The following GRM5 variants were observed in gnomAD, a reference collection of about 807,000 sequenced individuals.
GRM5 encodes the protein metabotropic glutamate receptor 5.
A neutral mutation model predicts 83.1 loss-of-function variants in GRM5; 19 were observed. The ratio of observed to expected loss-of-function variants is 0.23; its 90% CI spans 0.16 to 0.34. GRM5 has a LOEUF of 0.34. Ranked by LOEUF, GRM5 falls within the 10% of genes least tolerant of loss-of-function variation. The pLI is 1.00. For missense variants in GRM5, 1,160 were observed against 1,588.3 expected (o/e 0.73, Z 4.58); for synonymous variants, 675 against 633.6 (o/e 1.07, Z -0.98).
chr11:88,665,924 C>T (rs1328049140), intron 3 of GRM5, among the ~76,000 whole-genome samples: 1 of 151,588 alleles, frequency 6.6e-6, no homozygotes, highest in Non-Finnish European at 1.5e-5. Context: ...AAGTTGAACT[C>T]ATTGATAAGA....
chr11:88,552,331 A>G (rs1455981962), intron 8 of GRM5, among the ~76,000 whole-genome samples: 1 of 152,128 alleles, frequency 6.6e-6, no homozygotes, highest in African/African-American at 2.4e-5. Flanking sequence ...CTGGACTGTT[A>G]TATCATTTTT....
intron 3 of GRM5, among the ~76,000 whole-genome samples, chr11:88,714,279 T>C (rs1308704283): frequency 6.6e-6 from 1 of 151,606 alleles, no homozygotes; most frequent in Non-Finnish European, 1.5e-5. Flanking sequence ...ATTAAGGCAG[T>C]GGTAGGTGAA....
chr11:88,756,325 T>G (rs10765743), intron 3 of GRM5, among the ~76,000 whole-genome samples: 2 of 151,984 alleles, frequency 1.3e-5, no homozygotes, highest in African/African-American at 4.8e-5. Context: ...CATCCAAAGA[T>G]AGAAAATCAG....
chr11:88,604,571 C>A (rs1004384101), intron 5 of GRM5, 147 bp downstream of exon 5: 4 of 691,074 alleles, frequency 5.8e-6, no homozygotes. Context: ...CTTCTTCTCT[C>A]TATCTTTGCT....
chr11:89,061,659 C>G (rs1236676078), intron 1 of GRM5, among the ~76,000 whole-genome samples: 1 of 152,140 alleles, frequency 6.6e-6, no homozygotes, highest in African/African-American at 2.4e-5. Context: ...CAATTTCCCC[C>G]TGGGTGTTTG....
rs76390195 is a variant in GRM5, at chr11:88,517,561, G to A, written c.2726+7748C>T. Among the ~76,000 whole-genome samples the A allele has an allele frequency of 6.7e-4, 102 of 152,192 alleles. No homozygotes were observed. The East Asian group carries it at 0.014, about 21-fold the overall frequency. On this transcript the variant is annotated intron_variant, in intron 9 of 9. Coordinates refer to ENST00000305447, the MANE Select transcript of GRM5 (RefSeq NM_001143831.3). ...CACTCAGCTTTGCTGAGTAACTTTC[G>A]TCTACATTTCAATATTACCATTATA...
At chr11:88,993,814 A>T (rs1940078624) in intron 2 of GRM5, among the ~76,000 whole-genome samples, 1 of 152,042 alleles carries the variant, frequency 6.6e-6, no homozygotes, top group African/African-American at 2.4e-5. Flanking sequence ...CCTGAGATGC[A>T]GTGATGAAGT....
At chr11:88,544,040 G>A (rs1331494803) in intron 8 of GRM5, among the ~76,000 whole-genome samples, 1 of 151,930 alleles carries the variant, frequency 6.6e-6, no homozygotes, top group African/African-American at 2.4e-5. Flanking sequence ...AAAAAGATAA[G>A]TTTGTCTCCC....
At chr11:88,515,686 C>G (rs952715548) in intron 9 of GRM5, among the ~76,000 whole-genome samples, 1 of 152,140 alleles carries the variant, frequency 6.6e-6, no homozygotes, top group Non-Finnish European at 1.5e-5. Context: ...GTTTTAACAG[C>G]GATTAGCAAG....
chr11:88,754,668 A>G (rs1565215509), intron 3 of GRM5, among the ~76,000 whole-genome samples: 2 of 152,116 alleles, frequency 1.3e-5, no homozygotes, highest in Non-Finnish European at 2.9e-5. Context: ...TGGGTATTAC[A>G]TTTTTTGAGA....
chr11:88,998,992 A>G (rs1395282206), intron 2 of GRM5, among the ~76,000 whole-genome samples: 2 of 152,198 alleles, frequency 1.3e-5, no homozygotes, highest in African/African-American at 4.8e-5. Context: ...TGGGGAAAGG[A>G]TTCCCTATTT....
chr11:88,578,703 T>TAAA (rs1243533947), intron 7 of GRM5, among the ~76,000 whole-genome samples: 1 of 152,146 alleles, frequency 6.6e-6, no homozygotes, highest in Non-Finnish European at 1.5e-5. Flanking sequence ...AGAAAATTAT[T>TAAA]AAAAGTTAAT....
chr11:89,004,016 T>G (rs959085112), intron 2 of GRM5, among the ~76,000 whole-genome samples: 2 of 152,148 alleles, frequency 1.3e-5, no homozygotes, highest in Admixed American at 6.6e-5. Context: ...AGAAGGATAA[T>G]GAACATTGAA....
At chr11:88,863,111 A>G (rs1041039181) in intron 2 of GRM5, among the ~76,000 whole-genome samples, 1 of 152,118 alleles carries the variant, frequency 6.6e-6, no homozygotes, top group African/African-American at 2.4e-5. Context: ...TAAAGAAATA[A>G]CAGATGCTGG....
At position 88,961,317 on chromosome 11, in the gene GRM5, G is replaced by A. The variant is rs58799221; in HGVS notation, c.661+85895C>T. 5.5e-3 allele frequency among the ~76,000 whole-genome samples: 836 copies of A among 151,854 alleles called. 12 individuals are homozygous for A. Among genetic ancestry groups the A allele is most frequent in the African/African-American group, 0.019 (795 of 41,432 alleles). ...AGCTGTTCCCAGTGATTTGTGTTTT[G>A]TCAAAATAACTCAGCCAAGTTGTCC... On this transcript the variant is annotated intron_variant, in intron 2 of 9. Coordinates refer to ENST00000305447, the MANE Select transcript of GRM5 (RefSeq NM_001143831.3).
At chr11:89,060,281 TATATACACAC>T (rs749925286) in intron 1 of GRM5, among the ~76,000 whole-genome samples, 2 of 136,926 alleles carry the variant, frequency 1.5e-5, no homozygotes, top group Admixed American at 1.4e-4. Flanking sequence ...TATATATATA[TATATACACAC>T]ACACACACAC....
rs570417811 is a variant in GRM5, at chr11:88,675,620, T to G, written c.912-22217A>C. Among the ~76,000 whole-genome samples the G allele has an allele frequency of 6.6e-5, 10 of 151,862 alleles. No homozygotes were observed. In the South Asian group the frequency reaches 1.9e-3, roughly 29 times the overall value. ...ATTATAATGTACGCATTCAGAGGAG[T>G]TGAACTGTAAGGTTATTTACAGGAA... On this transcript the variant is annotated intron_variant, in intron 3 of 9. Transcript: ENST00000305447.
rs771825428 is a variant in GRM5, at chr11:88,883,021, C to T, written c.662-32866G>A. 7.9e-5 allele frequency among the ~76,000 whole-genome samples: 12 copies of T among 152,288 alleles called. No homozygotes were observed. In the South Asian group the frequency reaches 1.5e-3, roughly 18 times the overall value. On this transcript the variant is annotated intron_variant, in intron 2 of 9. Coordinates refer to ENST00000305447, the MANE Select transcript of GRM5 (RefSeq NM_001143831.3). ...ATGCCTTCTGCTATGATTTTTGAGG[C>T]CTCCCCAGCCACATGCAACTGTGAA...
In GRM5 at chr11:88,978,871, G is replaced by C. The variant is rs1388319379; in HGVS notation, c.661+68341C>G. Reference sequence around the variant, plus strand: ...AACTTGTCAAAGACACACATTCAGTGAGTGGAAGAGCCGAGATTGAACGCA... The same window carrying C: ...AACTTGTCAAAGACACACATTCAGTCAGTGGAAGAGCCGAGATTGAACGCA... On this transcript the variant is annotated intron_variant, in intron 2 of 9. Transcript: ENST00000305447. 5.3e-5 allele frequency among the ~76,000 whole-genome samples: 8 copies of C among 152,272 alleles called. No homozygotes were observed. In the East Asian group the frequency reaches 1.3e-3, roughly 26 times the overall value.
Sources: gnomAD v4.1 joint callset for allele counts (sites outside exome capture counted in the v4.1 genomes callset) on GRCh38, gnomAD v4.1.1 for gene constraint, MANE v1.5 for transcripts, NCBI Gene and HGNC (gene_info 2026-07-23, HGNC 2026-07-21) for gene names.